TTN: variants seen among roughly 807,000 people sequenced by gnomAD.
The protein encoded by TTN is connectin.
In TTN, 1,525 loss-of-function variants were observed where a neutral mutation model predicts 3,223.0. The observed-to-expected ratio is 0.47, with a 90% CI of 0.45 to 0.49. TTN has a LOEUF of 0.49. Among genes scored for constraint, TTN ranks in the 20% least tolerant of loss-of-function variants. TTN has a pLI of 0.00. For synonymous variants in TTN, 14,094 were observed against 15,161.0 expected, an observed-to-expected ratio of 0.93 and a Z score of 5.17; for missense variants, 40,786 against 43,424.0, an observed-to-expected ratio of 0.94 and a Z score of 5.40.
intron 138 of TTN, 57 bp downstream of exon 138, chr2:178,681,022 A>G (rs1043758607): frequency 4.4e-6 from 6 of 1,377,264 alleles, no homozygotes; most frequent in Admixed American, 4.7e-5. Flanking sequence ...TCATAGTTAC[A>G]TTAATTTCAA....
At chr2:178,536,871 T>C (rs1399862180) in intron 356 of TTN, 67 bp downstream of exon 356, 2 of 1,405,334 alleles carry the variant, frequency 1.4e-6, no homozygotes, top group African/African-American at 1.4e-5. Flanking sequence ...TTTCTTTCTG[T>C]TTAAAAGAAT....
rs769496394 is a variant in TTN at position 178,720,560 on chromosome 2, T to C, written c.23202A>G (p.Val7734=). The change falls in exon 80 of 363, where the codon GTA becomes GTG. Residue 7734 remains valine (V), a synonymous_variant. Transcript: ENST00000589042. The stretch of plus-strand genomic sequence containing the variant: ...TAACCTGCTTTCGATCTTTAACCCA[T>C]ACTACTTCAAATGGGGGAGTTCCCG... The part of the protein sequence containing the change: ...EISGTPPFEV[V]WVKDRKQVRN... 10 of 1,613,448 alleles carry C rather than the reference T, an allele frequency of 6.2e-6. No homozygotes were observed. The highest frequency in any genetic ancestry group is 8.5e-6 in the Non-Finnish European group (10 of 1,179,562).
At chr2:178,602,622 A>C in intron 282 of TTN, 32 bp from the exon 283 acceptor site, 8 of 1,454,104 alleles carry the variant, frequency 5.5e-6, no homozygotes, top group Non-Finnish European at 7.2e-6. Flanking sequence ...AAGCTTCATC[A>C]GATTTTGAAG....
chr2:178,527,396 A>G (rs1287652751), intron 362 of TTN, 50 bp downstream of exon 362: 2 of 1,592,054 alleles, frequency 1.3e-6, no homozygotes, highest in African/African-American at 2.7e-5. Context: ...ACTAAAGACT[A>G]CACCATGTTA....
rs1453533142 is a variant in TTN at position 178,723,518 on chromosome 2, C to A, written c.21582G>T (p.Leu7194=). 1 of 1,613,202 alleles carries A rather than the reference C, an allele frequency of 6.2e-7. No individual in the cohort carries two copies. Among genetic ancestry groups the A allele is most frequent in the Non-Finnish European group, 8.5e-7 (1 of 1,179,586 alleles). Residue 7194 remains leucine (L), a synonymous_variant, in exon 74 of 363, where the codon CTG becomes CTT. Transcript: ENST00000589042. ...NIYFEDTVAE[L]ELFNIDISQS... ...GAGATATGTCAATATTAAATAATTCCAGTTCTGCCACAGTGTCTTCAAAAT... is the reference window on the plus strand; with the variant it reads ...GAGATATGTCAATATTAAATAATTCAAGTTCTGCCACAGTGTCTTCAAAAT...
Position 178,589,617 on chromosome 2 carries a change from T to C in TTN, c.62108A>G (p.Tyr20703Cys). 6.2e-7 allele frequency: 1 copy of C among 1,613,206 alleles called. No homozygotes were observed. The highest frequency in any genetic ancestry group is 1.1e-5 in the South Asian group (1 of 91,054). Residue 20703 changes from tyrosine (Y) to cysteine (C), a missense_variant, in exon 304 of 363, where the codon TAT becomes TGT. Transcript: ENST00000589042. ...GCCCTTAAGCCTTCTCTCAACATGATATGACAGATTTGGACTGCCACCATC... is the reference window on the plus strand; with the variant it reads ...GCCCTTAAGCCTTCTCTCAACATGACATGACAGATTTGGACTGCCACCATC... The part of the protein sequence containing the change: ...DYDGGSPNLS[Y>C]HVERRLKGSD...
At chr2:178,778,777 G>T in intron 24 of TTN, 97 bp downstream of exon 24, 3 of 1,542,168 alleles carry the variant, frequency 1.9e-6, no homozygotes, top group Non-Finnish European at 2.7e-6. Context: ...TGCCATTTTA[G>T]CCCTCGATTT....
chr2:178,622,708 C>T lies in TTN; in HGVS notation c.44875G>A (p.Ala14959Thr). The T allele has an allele frequency of 6.2e-7, 1 of 1,607,416 alleles. No individual in the cohort carries two copies. Among genetic ancestry groups the T allele is most frequent in the Non-Finnish European group, 8.5e-7 (1 of 1,176,894 alleles). Reference sequence around the variant, plus strand: ...CGGGAAAGTTCACACTCAAATCGAGCCATTTCTTTTTCTCTAACTTGAAGG... The same window carrying T: ...CGGGAAAGTTCACACTCAAATCGAGTCATTTCTTTTTCTCTAACTTGAAGG... ...TDLQVREKEM[A>T]RFECELSREN... Residue 14959 changes from alanine to threonine, a missense_variant, in exon 243 of 363, where the codon GCT (alanine) becomes ACT (threonine). Physicochemically the swap from Ala to Thr is moderately conservative, Grantham distance 58. Transcript: ENST00000589042.
chr2:178,635,695 C>T lies in TTN; in HGVS notation c.41629G>A (p.Val13877Met), dbSNP rs1272825852. 1.9e-6 allele frequency: 3 copies of T among 1,601,344 alleles called. No individual in the cohort carries two copies. The highest frequency in any genetic ancestry group is 2.3e-5 in the East Asian group (1 of 44,364). Residue 13877 changes from valine to methionine, a missense_variant, in exon 227 of 363, where the codon GTG becomes ATG. By Grantham distance (21) the Val-to-Met change is conservative. Transcript: ENST00000589042. ...ACATGCTGGTCTCGTATAGGTTTCACCAGCCAATCTCTAATGACTTCTATA... is the reference window on the plus strand; with the variant it reads ...ACATGCTGGTCTCGTATAGGTTTCATCAGCCAATCTCTAATGACTTCTATA... The part of the protein sequence containing the change: ...KVVEVIRDWL[V>M]KPIRDQHVKP...
rs370824987 is a variant in TTN, at chr2:178,793,519, G to A, written c.1421C>T (p.Thr474Ile). The A allele has an allele frequency of 2.2e-5, 35 of 1,613,850 alleles. No individual in the cohort carries two copies. Among genetic ancestry groups the A allele is most frequent in the African/African-American group, 5.3e-5 (4 of 74,910 alleles). Residue 474 changes from threonine (T) to isoleucine (I), a missense_variant, in exon 9 of 363, where the codon ACT becomes ATT. Thr to Ile is a moderately conservative substitution (Grantham distance 89, BLOSUM62 -1). Coordinates refer to ENST00000589042, the MANE Select transcript of TTN (RefSeq NM_001267550.2). ...QEQVRKEAEKTAVTKVVVAAD... is the reference protein window; with the variant it reads ...QEQVRKEAEKIAVTKVVVAAD... Reference sequence around the variant, plus strand: ...GGCCACTACTACCTTAGTTACAGCAGTCTTCTCCGCTTCCTTTCTTACCTG... The same window carrying A: ...GGCCACTACTACCTTAGTTACAGCAATCTTCTCCGCTTCCTTTCTTACCTG...
At position 178,721,079 on chromosome 2, in the gene TTN, C is replaced by A; in HGVS notation, c.22940G>T (p.Ser7647Ile). Residue 7647 changes from serine (S) to isoleucine (I), a missense_variant, in exon 79 of 363, where the codon AGC becomes ATC. By Grantham distance (142) the Ser-to-Ile change is moderately radical (BLOSUM62 -2). Transcript: ENST00000589042. ...EIKVSWFRNDSELHESWKYNM... is the reference protein window; with the variant it reads ...EIKVSWFRNDIELHESWKYNM... ...GTATTTCCAACTTTCATGAAGTTCG[C>A]TGTCATTTCGGAACCATGAAACTTT... is the stretch of plus-strand genomic sequence containing the variant. 6.2e-7 allele frequency: 1 copy of A among 1,613,232 alleles called. No homozygotes were observed. The highest frequency in any genetic ancestry group is 8.5e-7 in the Non-Finnish European group (1 of 1,179,342).
At chr2:178,675,857 A>C (rs2067969031) in intron 148 of TTN, 64 bp downstream of exon 148, 1 of 1,554,772 alleles carries the variant, frequency 6.4e-7, no homozygotes, top group South Asian at 1.2e-5. Flanking sequence ...GAAACAGGAC[A>C]TTTTGACTTT....
At position 178,605,356 on chromosome 2, in the gene TTN, T is replaced by C. The variant is rs72646812; in HGVS notation, c.53881+58A>G. The C allele has an allele frequency of 1.1e-3, 1,683 of 1,534,226 alleles. 1 individual carries two copies. Among genetic ancestry groups the C allele is most frequent in the Middle Eastern group, 1.6e-3 (9 of 5,674 alleles). On this transcript the variant is annotated intron_variant, in intron 279 of 362. Transcript: ENST00000589042. ...TCATAAGGATGTTTTTTTCAACTTA[T>C]GGGATAAAGGCACACTGTAAAATGC... is the stretch of plus-strand genomic sequence containing the variant.
rs755742637 is a variant in TTN, at chr2:178,535,623, A to G, written c.100992T>C (p.Ala33664=). 8.7e-6 allele frequency: 14 copies of G among 1,613,746 alleles called. No individual in the cohort carries two copies. Among genetic ancestry groups the G allele is most frequent in the Middle Eastern group, 1.6e-4 (1 of 6,082 alleles). The part of the protein sequence containing the change: ...VFPNGVERKD[A]GFYVVCAKNR... ...TTTTAGCACAGACCACATAGAAACC[A>G]GCATCTTTTCTCTCTACCCCATTGG... Residue 33664 remains alanine (A), a synonymous_variant, in exon 358 of 363, where the codon GCT becomes GCC. Transcript: ENST00000589042.
chr2:178,553,147 A>G lies in TTN; in HGVS notation c.89753T>C (p.Val29918Ala), dbSNP rs768749427. The change falls in exon 335 of 363, where the codon GTT becomes GCT. Residue 29918 changes from valine to alanine, a missense_variant. Transcript: ENST00000589042. ...CACAGTTGAAGACTTAGGTTCACCAACTCCATTTTCTATTGTGAGAATATA... is the reference window on the plus strand; with the variant it reads ...CACAGTTGAAGACTTAGGTTCACCAGCTCCATTTTCTATTGTGAGAATATA... ...GKYILTIENGVGEPKSSTVSV... is the reference protein window; with the variant it reads ...GKYILTIENGAGEPKSSTVSV... 12 of 1,612,850 alleles carry G rather than the reference A, an allele frequency of 7.4e-6. No homozygotes were observed. In the Admixed American group the frequency reaches 2.0e-4, roughly 27 times the overall value.
rs1285849113 is a variant in TTN, at chr2:178,777,991, A to G, written c.4209-16T>C. On this transcript the variant is annotated splice_polypyrimidine_tract_variant and intron_variant, in intron 24 of 362. Transcript: ENST00000589042. ...AGAGAGAGATCTGCAAAACAAAGACACACAATACTTTCGTGAGGCATAAAG... is the reference window on the plus strand; with the variant it reads ...AGAGAGAGATCTGCAAAACAAAGACGCACAATACTTTCGTGAGGCATAAAG... The G allele has an allele frequency of 1.2e-5, 19 of 1,612,448 alleles. No individual in the cohort carries two copies. The highest frequency in any genetic ancestry group is 1.7e-4 in the Middle Eastern group (1 of 6,056).
In TTN at chr2:178,723,529, C is replaced by T. The variant is rs1338451033; in HGVS notation, c.21571G>A (p.Val7191Met). Residue 7191 changes from valine to methionine, a missense_variant, in exon 74 of 363, where the codon GTG (valine) becomes ATG (methionine). Transcript: ENST00000589042. The stretch of plus-strand genomic sequence containing the variant: ...ATATTAAATAATTCCAGTTCTGCCA[C>T]AGTGTCTTCAAAATAGATGTTGCAC... The part of the protein sequence containing the change: ...DRCNIYFEDT[V>M]AELELFNIDI... 6.2e-7 allele frequency: 1 copy of T among 1,613,270 alleles called. No homozygotes were observed. The highest frequency in any genetic ancestry group is 8.5e-7 in the Non-Finnish European group (1 of 1,179,600).
Position 178,775,477 on chromosome 2 carries a change from G to A in TTN, c.6387C>T (p.Pro2129=), listed in dbSNP as rs140253822. 36 of 1,613,754 alleles carry A rather than the reference G, an allele frequency of 2.2e-5. No homozygotes were observed. Among genetic ancestry groups the A allele is most frequent in the South Asian group, 5.5e-5 (5 of 91,068 alleles). ...ERSDRIYWYW[P]EDNVCELVIR... ...TGACCAATTCACAAACATTGTCTTC[G>A]GGCCAGTACCAGTAGATCCGGTCAG... Residue 2129 remains proline, a synonymous_variant, in exon 28 of 363, where the codon CCC becomes CCT. Coordinates refer to ENST00000589042, the MANE Select transcript of TTN (RefSeq NM_001267550.2).
At chr2:178,640,744 A>C in intron 220 of TTN, 114 bp from the exon 221 acceptor site, 1 of 789,310 alleles carries the variant, frequency 1.3e-6, no homozygotes, top group East Asian at 3.0e-5. Context: ...AAAAAACCTT[A>C]TAGTTTATCA....
Sources: gnomAD v4.1 joint callset for allele counts on GRCh38, gnomAD v4.1.1 for gene constraint, MANE v1.5 for transcripts, NCBI Gene and HGNC (gene_info 2026-07-23, HGNC 2026-07-21) for gene names.